The following CERS3 variants were observed in gnomAD, a reference collection of about 807,000 sequenced individuals.
The protein encoded by CERS3 is ceramide synthase 3.
Under a neutral mutation model 50.3 loss-of-function variants are expected in CERS3, and 33 were observed. That is an observed-to-expected ratio of 0.66 (90% confidence interval 0.50 to 0.88). CERS3 has a LOEUF of 0.88. Ranked by LOEUF, CERS3 falls within the 40% of genes least tolerant of loss-of-function variation. The pLI is 0.00. For missense variants in CERS3, 470 were observed against 460.3 expected (o/e 1.02, Z -0.19); for synonymous variants, 176 against 155.2 (o/e 1.13, Z -0.99).
At chr15:100,420,362 C>G (rs1336929729) in intron 11 of CERS3, among the ~76,000 whole-genome samples, 1 of 152,152 alleles carries the variant, frequency 6.6e-6, no homozygotes, top group African/African-American at 2.4e-5. Flanking sequence ...ACACATAACA[C>G]TCTCCCAAGA....
chr15:100,437,454 G>C (rs1237773400), intron 11 of CERS3, among the ~76,000 whole-genome samples: 1 of 152,154 alleles, frequency 6.6e-6, no homozygotes, highest in East Asian at 1.9e-4. Flanking sequence ...CCTGGAATGT[G>C]AGTCATGAAA....
chr15:100,433,591 A>C (rs1278866393), intron 11 of CERS3, among the ~76,000 whole-genome samples: 1 of 152,012 alleles, frequency 6.6e-6, no homozygotes, highest in Admixed American at 6.6e-5. Flanking sequence ...GGGTTGGTGG[A>C]GGCCTTGGTT....
intron 11 of CERS3, among the ~76,000 whole-genome samples, chr15:100,431,138 T>C (rs1168122489): frequency 6.6e-6 from 1 of 152,198 alleles, no homozygotes; most frequent in Non-Finnish European, 1.5e-5. Flanking sequence ...CCTCTCTGGA[T>C]TGCTACTCTT....
At chr15:100,512,639 G>T (rs965559623) in intron 2 of CERS3, among the ~76,000 whole-genome samples, 2 of 152,040 alleles carry the variant, frequency 1.3e-5, no homozygotes, top group African/African-American at 2.4e-5. Flanking sequence ...TCCTATATTC[G>T]TCAGAGTTGT....
intron 11 of CERS3, among the ~76,000 whole-genome samples, chr15:100,406,990 C>A (rs1006340247): frequency 6.6e-6 from 1 of 152,140 alleles, no homozygotes; most frequent in Admixed American, 6.6e-5. Flanking sequence ...ACCATCAGAT[C>A]TTGTGAGACT....
chr15:100,477,036 C>T (rs957562083), intron 7 of CERS3, among the ~76,000 whole-genome samples: 8 of 152,158 alleles, frequency 5.3e-5, no homozygotes, highest in Admixed American at 5.2e-4. Context: ...CCCTAGCCGG[C>T]CTCCCAATTG....
chr15:100,476,810 T>G (rs1026692833), intron 7 of CERS3, among the ~76,000 whole-genome samples: 3 of 152,214 alleles, frequency 2.0e-5, no homozygotes, highest in East Asian at 3.8e-4. Flanking sequence ...AATGTTGCCT[T>G]CTGATATCTA....
At chr15:100,531,595 T>G (rs1037052941), upstream of CERS3, among the ~76,000 whole-genome samples, 11 of 152,226 alleles carry the variant, frequency 7.2e-5, no homozygotes, top group Non-Finnish European at 1.3e-4. Flanking sequence ...CCTAAGGTGA[T>G]TCCTTTTTTC....
rs535736500 is a variant in CERS3, at chr15:100,475,885, T to C, written c.609+201A>G. On this transcript the variant is annotated intron_variant, in intron 8 of 11. Transcript: ENST00000679737. The stretch of plus-strand genomic sequence containing the variant: ...GGTGGAGCTTCAAAGTTAAAGTTTT[T>C]ATAATGTTTCACTACAAATGTTTAC... 37 of 301,500 alleles carry C rather than the reference T, an allele frequency of 1.2e-4. No individual in the cohort carries two copies. The South Asian group carries it at 2.1e-3, about 17-fold the overall frequency. 18.7% of individuals were successfully genotyped at this position (301,500 alleles called of 1,614,324 possible).
At chr15:100,465,576 T>C (rs1455170941) in intron 10 of CERS3, among the ~76,000 whole-genome samples, 4 of 152,316 alleles carry the variant, frequency 2.6e-5, no homozygotes, top group Middle Eastern at 3.4e-3. Flanking sequence ...GTGAGGTTTT[T>C]CTCAACTTTC....
At chr15:100,452,083 A>G (rs1027845611) in intron 11 of CERS3, among the ~76,000 whole-genome samples, 39 of 152,228 alleles carry the variant, frequency 2.6e-4, no homozygotes, top group African/African-American at 9.4e-4. Context: ...CGGAATATTT[A>G]TAAAGAAACA....
chr15:100,533,430 TTC>T (rs2142418184), upstream of CERS3, among the ~76,000 whole-genome samples: 1 of 152,340 alleles, frequency 6.6e-6, no homozygotes, highest in Non-Finnish European at 1.5e-5. Flanking sequence ...ATTGTGTCTC[TTC>T]CTCTCTACCA....
intron 7 of CERS3, among the ~76,000 whole-genome samples, chr15:100,476,721 T>C (rs2035137994): frequency 6.6e-6 from 1 of 152,174 alleles, no homozygotes; most frequent in Non-Finnish European, 1.5e-5. Context: ...AGCTAGAATT[T>C]TCTTAACAAT....
intron 3 of CERS3, among the ~76,000 whole-genome samples, chr15:100,495,699 T>C (rs1384894836): frequency 1.3e-5 from 2 of 152,206 alleles, no homozygotes; most frequent in African/African-American, 4.8e-5. Flanking sequence ...CAGATATATG[T>C]TTTACATATA....
intron 1 of CERS3, among the ~76,000 whole-genome samples, chr15:100,540,529 G>A (rs2037176693): frequency 6.6e-6 from 1 of 152,130 alleles, no homozygotes. Context: ...GGGTGACAGA[G>A]CAAGACTCTC....
At position 100,501,795 on chromosome 15, in the gene CERS3, T is replaced by C. The variant is rs764833703; in HGVS notation, c.55A>G (p.Thr19Ala). ...TCCTCAAGATCTGACCACTTTATTG[T>C]TGGAGGAAGCCAGAATCTTTCCAAC... The part of the protein sequence containing the change: ...FWLERFWLPP[T>A]IKWSDLEDHD... The change falls in exon 3 of 12, where the codon ACA becomes GCA. Residue 19 changes from threonine (T) to alanine (A), a missense_variant. Transcript: ENST00000679737. The C allele has an allele frequency of 2.5e-6, 4 of 1,614,180 alleles. 1 individual carries two copies. Among genetic ancestry groups the C allele is most frequent in the South Asian group, 2.2e-5 (2 of 91,084 alleles).
rs149217426 is a variant in CERS3, at chr15:100,498,902, A to T, written c.173+2775T>A. Among the ~76,000 whole-genome samples, 78 of 152,252 alleles carry T rather than the reference A, an allele frequency of 5.1e-4. 1 individual carries two copies. The highest frequency in any genetic ancestry group is 1.8e-3 in the African/African-American group (73 of 41,548). ...TTGCTTTGTTGTGTTTTTTGTTTTT[A>T]TGTGTGAACAAAATATTGCGAGCAA... On this transcript the variant is annotated intron_variant, in intron 3 of 11. Transcript: ENST00000679737.
intron 10 of CERS3, among the ~76,000 whole-genome samples, chr15:100,468,814 A>G (rs1316875083): frequency 2.0e-5 from 3 of 152,214 alleles, no homozygotes; most frequent in African/African-American, 4.8e-5. Context: ...ACTGATCGAG[A>G]GCCAATCATA....
intron 11 of CERS3, among the ~76,000 whole-genome samples, chr15:100,432,955 G>T (rs2033208341): frequency 6.6e-6 from 1 of 152,138 alleles, no homozygotes; most frequent in African/African-American, 2.4e-5. Context: ...AAATAGTTCA[G>T]GCCGGGTGCA....
Sources: allele counts gnomAD v4.1 joint callset (sites outside exome capture counted in the v4.1 genomes callset), GRCh38; gene constraint gnomAD v4.1.1; transcripts MANE v1.5; gene names NCBI Gene and HGNC (gene_info 2026-07-23, HGNC 2026-07-21).